The following CALM2 variants were observed in gnomAD, a reference collection of about 807,000 sequenced individuals.
CALM2 encodes the protein calmodulin 2.
A neutral mutation model predicts 19.8 loss-of-function variants in CALM2; 2 were observed. The ratio of observed to expected loss-of-function variants is 0.10; its 90% confidence interval spans 0.04 to 0.32. CALM2 has a LOEUF of 0.32. Among genes scored for constraint, CALM2 ranks in the 10% least tolerant of loss-of-function variants. CALM2 has a pLI of 1.00. For missense variants in CALM2, 38 were observed against 178.7 expected (o/e 0.21, Z 4.49); for synonymous variants, 51 against 52.1 (o/e 0.98, Z 0.09).
At chr2:47,173,801 G>A (rs1467692628) in intron 1 of CALM2, 1 of 152,188 alleles carries the variant, frequency 6.6e-6, no homozygotes, top group African/African-American at 2.4e-5. Flanking sequence ...AATTATGGAA[G>A]CCAGGATATT....
upstream of CALM2, chr2:47,176,763 C>T (rs1666887898): frequency 2.0e-6 from 2 of 985,438 alleles, no homozygotes; most frequent in Non-Finnish European, 2.4e-6. Context: ...CCCTGAGGGG[C>T]GCTACTTTGC....
intron 3 of CALM2, 37 bp from the exon 4 acceptor site, chr2:47,162,429 G>A: frequency 6.2e-7 from 1 of 1,603,790 alleles, no homozygotes; most frequent in Non-Finnish European, 8.5e-7. Flanking sequence ...AGCTTTAGTG[G>A]AAACATATAA....
intron 1 of CALM2, among the ~76,000 whole-genome samples, chr2:47,174,854 A>C (rs2103854213): frequency 6.6e-6 from 1 of 152,344 alleles, no homozygotes; most frequent in Non-Finnish European, 1.5e-5. Flanking sequence ...ATTCAGAATA[A>C]CATTTGAAGC....
At chr2:47,162,472 G>GT (rs1687188898) in intron 3 of CALM2, 47 bp downstream of exon 3, 1 of 1,611,626 alleles carries the variant, frequency 6.2e-7, no homozygotes, top group African/African-American at 1.3e-5. Context: ...AAACATCTAA[G>GT]TATCACTTCT....
At chr2:47,163,413 T>TG (rs1301352236) in intron 2 of CALM2, 1 of 151,982 alleles carries the variant, frequency 6.6e-6, no homozygotes, top group Non-Finnish European at 1.5e-5. Context: ...CATCTTGTTG[T>TG]GATAGTATGT....
intron 2 of CALM2, among the ~76,000 whole-genome samples, 196 bp downstream of exon 2, chr2:47,170,538 C>T (rs1000836539): frequency 3.3e-5 from 5 of 152,198 alleles, no homozygotes; most frequent in Admixed American, 2.6e-4. Flanking sequence ...ACAATTAGCC[C>T]TGCACATCTT....
chr2:47,173,357 G>A (rs1431430531), intron 1 of CALM2: 2 of 152,160 alleles, frequency 1.3e-5, no homozygotes, highest in African/African-American at 4.8e-5. Context: ...ATTCACTAGA[G>A]AGATGACTTG....
chr2:47,165,141 C>T (rs776204203), intron 2 of CALM2, among the ~76,000 whole-genome samples: 1 of 152,192 alleles, frequency 6.6e-6, no homozygotes, highest in Non-Finnish European at 1.5e-5. Context: ...CCTGAAAATG[C>T]TGAGTTTACC....
intron 3 of CALM2, 44 bp downstream of exon 3, chr2:47,162,475 T>C (rs1324055597): frequency 6.2e-7 from 1 of 1,612,490 alleles, no homozygotes; most frequent in South Asian, 1.1e-5. Flanking sequence ...CATCTAAGTA[T>C]CACTTCTTCA....
At chr2:47,172,570 A>C in intron 1 of CALM2, 1 of 739,788 alleles carries the variant, frequency 1.4e-6, no homozygotes. Flanking sequence ...CATGCATGGC[A>C]TTTATTAAGC....
chr2:47,167,327 G>T (rs1174885744), intron 2 of CALM2: 1 of 152,110 alleles, frequency 6.6e-6, no homozygotes, highest in Admixed American at 6.6e-5. Flanking sequence ...TGACATCATG[G>T]CAGAGTTATC....
chr2:47,164,179 A>G (rs1181337166), intron 2 of CALM2, among the ~76,000 whole-genome samples: 1 of 149,482 alleles, frequency 6.7e-6, no homozygotes, highest in African/African-American at 2.5e-5. Context: ...CAGAGCTTGC[A>G]GTGAGCTGAT....
In CALM2 at chr2:47,162,532, T is replaced by C. The variant is rs1687190320; in HGVS notation, c.165A>G (p.Glu55=). 2 of 1,614,038 alleles carry C rather than the reference T, an allele frequency of 1.2e-6. No homozygotes were observed. Among genetic ancestry groups the C allele is most frequent in the African/African-American group, 1.3e-5 (1 of 74,938 alleles). The change falls in exon 3 of 6, where the codon GAA becomes GAG. Residue 55 remains glutamate (E), a synonymous_variant. Transcript: ENST00000272298. ...TTGAAGACTTACCATCAGCATCTAC[T>C]TCATTAATCATGTCCTGTAACTCTG... ...TEAELQDMIN[E]VDADGNGTID...
At chr2:47,170,609 C>A in intron 2 of CALM2, 125 bp downstream of exon 2, 1 of 788,040 alleles carries the variant, frequency 1.3e-6, no homozygotes, top group Non-Finnish European at 2.3e-6. Flanking sequence ...TTATATTATA[C>A]CCATATGTTA....
intron 4 of CALM2, 85 bp downstream of exon 4, chr2:47,162,201 C>CCAAAAAAAAA: frequency 7.6e-6 from 1 of 131,162 alleles, no homozygotes; most frequent in Non-Finnish European, 1.3e-5. Flanking sequence ...AAAAAAAAAA[C>CCAAAAAAAAA]AACCAAAAAA....
At chr2:47,176,347 A>G (rs1290939318) in intron 1 of CALM2, 94 bp downstream of exon 1, 2 of 1,469,094 alleles carry the variant, frequency 1.4e-6, no homozygotes, top group East Asian at 2.3e-5. Flanking sequence ...CACTCCTTGA[A>G]GGTGTAAGGG....
At chr2:47,169,115 A>T (rs1488038886) in intron 2 of CALM2, among the ~76,000 whole-genome samples, 1 of 152,152 alleles carries the variant, frequency 6.6e-6, no homozygotes, top group African/African-American at 2.4e-5. Flanking sequence ...AGAGCAGACC[A>T]TCAACTATGC....
intron 4 of CALM2, 43 bp from the exon 5 acceptor site, chr2:47,161,901 T>A: frequency 6.5e-7 from 1 of 1,530,676 alleles, no homozygotes; most frequent in Non-Finnish European, 8.9e-7. Context: ...AATTACAGAC[T>A]TGAGAGTTGG....
At chr2:47,162,788 C>G in intron 2 of CALM2, 126 bp from the exon 3 acceptor site, 1 of 750,174 alleles carries the variant, frequency 1.3e-6, no homozygotes, top group Non-Finnish European at 2.1e-6. Context: ...CACTGCACTT[C>G]AGCCTGGCCA....
Sources: allele counts gnomAD v4.1 joint callset (sites outside exome capture counted in the v4.1 genomes callset), GRCh38; gene constraint gnomAD v4.1.1; transcripts MANE v1.5; gene names NCBI Gene and HGNC (gene_info 2026-07-23, HGNC 2026-07-21).